Variants in CCDC136 observed in about 807,000 individuals in gnomAD.
CCDC136 encodes the protein coiled-coil domain-containing protein 136.
In CCDC136, 100 loss-of-function variants were observed where a neutral mutation model predicts 141.2. The ratio of observed to expected loss-of-function variants is 0.71; its 90% CI spans 0.60 to 0.84. CCDC136 has a LOEUF of 0.84. Ranked by LOEUF, CCDC136 falls within the 40% of genes least tolerant of loss-of-function variation. CCDC136 has a pLI of 0.00. For missense variants in CCDC136, 1,206 were observed against 1,379.4 expected, an observed-to-expected ratio of 0.87 and a Z score of 1.99; for synonymous variants, 474 against 531.9, an observed-to-expected ratio of 0.89 and a Z score of 1.50.
intron 9 of CCDC136, 86 bp downstream of exon 9, chr7:128,806,944 G>A (rs1804949773): frequency 7.3e-7 from 1 of 1,370,772 alleles, no homozygotes. Context: ...GGGAATGGTA[G>A]GAGTGTGGAG....
chr7:128,791,415 C>T (rs1802142321), upstream of CCDC136: 5 of 1,085,076 alleles, frequency 4.6e-6, no homozygotes, highest in East Asian at 1.7e-4. The surrounding 1 kb of genome is among the most constrained non-coding windows in gnomAD (Gnocchi z 7.1). Context: ...CCCTCCCTCC[C>T]TGCGCACCCG....
At chr7:128,811,356 A>C (rs1324648783) in intron 12 of CCDC136, 1 of 457,128 alleles carries the variant, frequency 2.2e-6, no homozygotes, top group East Asian at 6.9e-5. Context: ...ACTAATAGTA[A>C]GACTTTGATT....
At chr7:128,816,627 A>G (rs1464128588) in intron 16 of CCDC136, among the ~76,000 whole-genome samples, 2 of 152,206 alleles carry the variant, frequency 1.3e-5, no homozygotes, top group African/African-American at 4.8e-5. Flanking sequence ...CCAGAATGCC[A>G]GAGGTAACTT....
chr7:128,809,692 A>C, intron 11 of CCDC136, 48 bp downstream of exon 11: 6 of 1,326,132 alleles, frequency 4.5e-6, no homozygotes, highest in Non-Finnish European at 6.1e-6. Context: ...CTGCTCTGAG[A>C]AGCTTCCCTG....
intron 3 of CCDC136, among the ~76,000 whole-genome samples, chr7:128,797,460 G>A (rs60384027): frequency 0.13 from 20,265 of 152,152 alleles, 1,447 homozygotes; most frequent in East Asian, 0.19. Flanking sequence ...AGTATAGAAG[G>A]AGAAATGAAC....
At position 128,794,511 on chromosome 7, in the gene CCDC136, G is replaced by A; in HGVS notation, c.180G>A (p.Glu60=). 5 of 1,552,832 alleles carry A rather than the reference G, an allele frequency of 3.2e-6. No individual in the cohort carries two copies. Among genetic ancestry groups the A allele is most frequent in the Non-Finnish European group, 4.4e-6 (5 of 1,147,606 alleles). The part of the protein sequence containing the change: ...GLSLTETELE[E]LRAQVLQLVA... ...GCCTCACGGAGACAGAGCTGGAGGA[G>A]CTGCGGGCTCAGGTGCTGCAGCTGG... Residue 60 remains glutamate, a synonymous_variant, in exon 2 of 18, where the codon GAG becomes GAA. Coordinates refer to ENST00000297788, the MANE Select transcript of CCDC136 (RefSeq NM_022742.5). This position sits in a 1 kb window ranked among gnomAD's most constrained non-coding sequence, Gnocchi z 4.3.
intron 14 of CCDC136, among the ~76,000 whole-genome samples, chr7:128,814,273 A>G (rs543856082): frequency 6.6e-6 from 1 of 152,000 alleles, no homozygotes; most frequent in Non-Finnish European, 1.5e-5. Context: ...TTTAGTAGAC[A>G]TGGGGTTTCA....
At chr7:128,816,283 G>T (rs1806619143) in intron 16 of CCDC136, among the ~76,000 whole-genome samples, 1 of 152,252 alleles carries the variant, frequency 6.6e-6, no homozygotes, top group African/African-American at 2.4e-5. Flanking sequence ...GAAGGACATT[G>T]ACAGTGTGAA....
chr7:128,801,485 C>G lies in CCDC136; in HGVS notation c.646C>G (p.Leu216Val). The change falls in exon 4 of 18, where the codon CTC (leucine) becomes GTC (valine). Residue 216 changes from leucine to valine, a missense_variant. By Grantham distance (32) the Leu-to-Val change is conservative. Coordinates refer to ENST00000297788, the MANE Select transcript of CCDC136 (RefSeq NM_022742.5). ...KSSEPSGSLG[L>V]SDYSGLQEEL... ...CTCTGAACCATCCGGTAGTTTAGGT[C>G]TCTCAGATTACTCTGGGTTACAAGG... is the stretch of plus-strand genomic sequence containing the variant. 3 of 1,605,296 alleles carry G rather than the reference C, an allele frequency of 1.9e-6. No individual in the cohort carries two copies. The highest frequency in any genetic ancestry group is 2.6e-6 in the Non-Finnish European group (3 of 1,173,300).
chr7:128,811,176 A>G, intron 12 of CCDC136: 3 of 397,496 alleles, frequency 7.5e-6, no homozygotes, highest in Admixed American at 2.7e-5. Flanking sequence ...AGGCTGGATC[A>G]TATTCCAGGG....
chr7:128,814,806 G>C lies in CCDC136; in HGVS notation c.2932G>C (p.Ala978Pro), dbSNP rs894957826. Residue 978 changes from alanine to proline, a missense_variant, in exon 15 of 18, where the codon GCC (alanine) becomes CCC (proline). Transcript: ENST00000297788. ...GAAGAGGCCTTCTGTTGTCAAAGAA[G>C]CCCGGGGGAAGAATGCTAATAAGAA... ...REKRPSVVKE[A>P]RGKNANKNMN... 2.7e-5 allele frequency: 43 copies of C among 1,612,116 alleles called. No individual in the cohort carries two copies. The highest frequency in any genetic ancestry group is 3.6e-5 in the Non-Finnish European group (42 of 1,179,070).
chr7:128,808,624 T>C (rs1805229102), intron 10 of CCDC136: 12 of 985,400 alleles, frequency 1.2e-5, no homozygotes, highest in Non-Finnish European at 1.3e-5. Context: ...GAAAACTCAG[T>C]AGTTCCTGTC....
rs1319626307 is a variant in CCDC136, at chr7:128,801,429, C to A, written c.590C>A (p.Ala197Asp). 3 of 1,613,232 alleles carry A rather than the reference C, an allele frequency of 1.9e-6. No homozygotes were observed. The highest frequency in any genetic ancestry group is 2.5e-6 in the Non-Finnish European group (3 of 1,179,670). ...CGGGGAGATTATGAGATGGAGATCGCCTCCCTCCGTGCAGAAATGGAAATG... is the reference window on the plus strand; with the variant it reads ...CGGGGAGATTATGAGATGGAGATCGACTCCCTCCGTGCAGAAATGGAAATG... ...RIRGDYEMEI[A>D]SLRAEMEMKS... The change falls in exon 4 of 18, where the codon GCC becomes GAC. Residue 197 changes from alanine (A) to aspartate (D), a missense_variant. Ala to Asp is a moderately radical substitution (Grantham distance 126). Transcript: ENST00000297788.
chr7:128,796,032 A>G (rs1585051039), intron 3 of CCDC136, among the ~76,000 whole-genome samples: 1 of 152,030 alleles, frequency 6.6e-6, no homozygotes, highest in South Asian at 2.1e-4. Context: ...CTGGAGTGCA[A>G]TGGCACAATC....
At position 128,794,392 on chromosome 7, in the gene CCDC136, G is replaced by A; in HGVS notation, c.61G>A (p.Glu21Lys). 6.4e-7 allele frequency: 1 copy of A among 1,554,816 alleles called. No homozygotes were observed. ...PALYEEEEEE[E>K]EEEEEVEEEE... ...TCTCTATGAGGAGGAAGAGGAAGAG[G>A]AAGAGGAGGAAGAAGAGGTGGAAGA... The change falls in exon 2 of 18, where the codon GAA becomes AAA. Residue 21 changes from glutamate to lysine, a missense_variant. By Grantham distance (56) the Glu-to-Lys change is moderately conservative. Coordinates refer to ENST00000297788, the MANE Select transcript of CCDC136 (RefSeq NM_022742.5). The surrounding 1 kb of genome is among the most constrained non-coding windows in gnomAD (Gnocchi z 4.3).
upstream of CCDC136, chr7:128,791,698 G>A: frequency 3.9e-6 from 2 of 512,394 alleles, no homozygotes; most frequent in Non-Finnish European, 6.1e-6. This position sits in a 1 kb window ranked among gnomAD's most constrained non-coding sequence, Gnocchi z 7.1. Context: ...CCTCCACCGG[G>A]GCCCGGTCTC....
In CCDC136 at chr7:128,806,337, C is replaced by G. The variant is rs1484113172; in HGVS notation, c.1190C>G (p.Thr397Ser). 6.2e-7 allele frequency: 1 copy of G among 1,601,402 alleles called. No individual in the cohort carries two copies. The highest frequency in any genetic ancestry group is 1.1e-5 in the South Asian group (1 of 88,198). ...TTGAAGATGCAGCTGCAACTTCAGA[C>G]TGAGCTCCGGCAGCTCAAAGTCATG... ...ELLKMQLQLQ[T>S]ELRQLKVMKS... is the part of the protein sequence containing the mutation. The change falls in exon 8 of 18, where the codon ACT becomes AGT. Residue 397 changes from threonine to serine, a missense_variant. Thr to Ser is a moderately conservative substitution (Grantham distance 58). Coordinates refer to ENST00000297788, the MANE Select transcript of CCDC136 (RefSeq NM_022742.5).
chr7:128,818,118 C>A, intron 17 of CCDC136: 1 of 429,864 alleles, frequency 2.3e-6, no homozygotes, highest in East Asian at 4.9e-5. Context: ...CAATCCTTGG[C>A]TGGGAAAAAC....
In CCDC136 at chr7:128,807,364, CAG is replaced by C; in HGVS notation, c.1428_1429del (p.Glu476AspfsTer27). On this transcript the variant is annotated frameshift_variant, in exon 10 of 18. Coordinates refer to ENST00000297788, the MANE Select transcript of CCDC136 (RefSeq NM_022742.5). LOFTEE classifies it high-confidence loss of function. ...AGGCCTGCCTCCCCTGCCCAGGACA[CAG>C]AGACGCACGCTCAGCTTCAGGAGAT... The C allele has an allele frequency of 6.6e-7, 1 of 1,523,144 alleles. No individual in the cohort carries two copies. Among genetic ancestry groups the C allele is most frequent in the Non-Finnish European group, 8.8e-7 (1 of 1,133,930 alleles). The allele number at this position is 1,523,144 out of a possible 1,614,324, so 94.4% of individuals were successfully genotyped here.
Sources: gnomAD v4.1 joint callset for allele counts (sites outside exome capture counted in the v4.1 genomes callset) on GRCh38, gnomAD v4.1.1 for gene constraint, Gnocchi (gnomAD v3.1) non-coding constraint, MANE v1.5 for transcripts, NCBI Gene and HGNC (gene_info 2026-07-23, HGNC 2026-07-21) for gene names.